LMTK2: variants seen among roughly 807,000 people sequenced by gnomAD.
The protein encoded by LMTK2 is lemur tail kinase 2.
A neutral mutation model predicts 127.5 loss-of-function variants in LMTK2; 37 were observed. The observed-to-expected ratio is 0.29, with a 90% CI of 0.22 to 0.38. LMTK2 has a LOEUF of 0.38. Among genes scored for constraint, LMTK2 ranks in the 10% least tolerant of loss-of-function variants. The probability of loss-of-function intolerance (pLI) is 1.00; values close to 1 mark genes in which losing one functional copy is unlikely to be tolerated. For missense variants in LMTK2, 1,694 were observed against 1,920.3 expected, an observed-to-expected ratio of 0.88 and a Z score of 2.20; for synonymous variants, 819 against 810.1, an observed-to-expected ratio of 1.01 and a Z score of -0.19.
At chr7:98,119,010 T>A (rs1220026880) in intron 1 of LMTK2, among the ~76,000 whole-genome samples, 1 of 151,546 alleles carries the variant, frequency 6.6e-6, no homozygotes, top group African/African-American at 2.4e-5. Flanking sequence ...GATAATCGCT[T>A]GAACCTGGGA....
chr7:98,107,269 A>G lies in LMTK2; in HGVS notation c.92A>G (p.Gln31Arg). Reference sequence around the variant, plus strand: ...AGTGCTGGGGCCGCGCCACTTCCGCAAACAGGTGCAGGTGAGCGGGCCCGC... The same window carrying G: ...AGTGCTGGGGCCGCGCCACTTCCGCGAACAGGTGCAGGTGAGCGGGCCCGC... ...AGSAGAAPLP[Q>R]TGAGEAPPAA... The change falls in exon 1 of 14, where the codon CAA (glutamine) becomes CGA (arginine). Residue 31 changes from glutamine (Q) to arginine (R), a missense_variant. Coordinates refer to ENST00000297293, the MANE Select transcript of LMTK2 (RefSeq NM_014916.4). 7.0e-7 allele frequency: 1 copy of G among 1,420,740 alleles called. No individual in the cohort carries two copies. Among genetic ancestry groups the G allele is most frequent in the Non-Finnish European group, 9.2e-7 (1 of 1,092,226 alleles). The allele number at this position is 1,420,740 out of a possible 1,614,324, so 88.0% of individuals were successfully genotyped here. A position where few individuals can be genotyped will look rare whatever the true frequency, so the allele number is the denominator to read the frequency against.
At chr7:98,187,118 A>T in intron 9 of LMTK2, 120 bp downstream of exon 9, 1 of 903,522 alleles carries the variant, frequency 1.1e-6, no homozygotes, top group Non-Finnish European at 1.7e-6. Context: ...AGAGTATCTG[A>T]TGGTGTGAAA....
chr7:98,151,133 C>T (rs1796846384), intron 3 of LMTK2, among the ~76,000 whole-genome samples: 1 of 151,938 alleles, frequency 6.6e-6, no homozygotes, highest in African/African-American at 2.4e-5. Context: ...TTGGTGGTTA[C>T]ATGAGAGTAG....
At chr7:98,184,344 C>A (rs1166321105) in intron 7 of LMTK2, among the ~76,000 whole-genome samples, 1 of 152,076 alleles carries the variant, frequency 6.6e-6, no homozygotes, top group Non-Finnish European at 1.5e-5. Flanking sequence ...ACTGTCTTTT[C>A]CTGGTGCTGG....
chr7:98,138,655 T>A (rs1796631723), intron 2 of LMTK2, among the ~76,000 whole-genome samples: 1 of 152,234 alleles, frequency 6.6e-6, no homozygotes, highest in South Asian at 2.1e-4. Context: ...TGTCCCTTGC[T>A]TGTTAGTCTT....
rs201001770 is a variant in LMTK2 at position 98,193,157 on chromosome 7, G to A, written c.2692G>A (p.Glu898Lys). 3.2e-5 allele frequency: 51 copies of A among 1,613,630 alleles called. No individual in the cohort carries two copies. The Admixed American group carries it at 5.5e-4, about 17-fold the overall frequency. Reference sequence around the variant, plus strand: ...GAGTGAGGAGACCCTGCGACTCACCGAAAGTGACTCTGTTCTTGCTGATGA... The same window carrying A: ...GAGTGAGGAGACCCTGCGACTCACCAAAAGTGACTCTGTTCTTGCTGATGA... ...GESEETLRLT[E>K]SDSVLADDIL... Residue 898 changes from glutamate to lysine, a missense_variant, in exon 11 of 14, where the codon GAA becomes AAA. By Grantham distance (56) the Glu-to-Lys change is moderately conservative. Coordinates refer to ENST00000297293, the MANE Select transcript of LMTK2 (RefSeq NM_014916.4). The surrounding 1 kb of genome is among the most constrained non-coding windows in gnomAD (Gnocchi z 4.1).
chr7:98,137,505 G>T, intron 2 of LMTK2, 63 bp downstream of exon 2: 1 of 1,488,490 alleles, frequency 6.7e-7, no homozygotes, highest in South Asian at 1.2e-5. Context: ...TAGAATAACT[G>T]GATAGCACAG....
intron 5 of LMTK2, among the ~76,000 whole-genome samples, chr7:98,156,916 A>G (rs1275706096): frequency 6.6e-6 from 1 of 152,122 alleles, no homozygotes; most frequent in Non-Finnish European, 1.5e-5. Flanking sequence ...GAGGCCCACC[A>G]TTGTTGCAGG....
chr7:98,205,016 C>T (rs1319883714), intron 13 of LMTK2, among the ~76,000 whole-genome samples: 3 of 152,062 alleles, frequency 2.0e-5, no homozygotes, highest in South Asian at 4.1e-4. Flanking sequence ...CATTTGAAGT[C>T]GAGGTATCTG....
chr7:98,159,805 A>G (rs1796986113), intron 6 of LMTK2, among the ~76,000 whole-genome samples: 1 of 152,186 alleles, frequency 6.6e-6, no homozygotes, highest in African/African-American at 2.4e-5. Flanking sequence ...CAGGCTTGAA[A>G]CATCTTGAAA....
intron 10 of LMTK2, among the ~76,000 whole-genome samples, chr7:98,191,254 G>C (rs1008769312): frequency 6.6e-6 from 1 of 151,938 alleles, no homozygotes; most frequent in Non-Finnish European, 1.5e-5. Context: ...GGCCTCTTTT[G>C]ATATTTTTAA....
chr7:98,116,099 G>A (rs1324548726), intron 1 of LMTK2, among the ~76,000 whole-genome samples: 3 of 152,076 alleles, frequency 2.0e-5, no homozygotes, highest in African/African-American at 4.8e-5. Flanking sequence ...TTGCCATGTT[G>A]CCCAGGCTGG....
intron 1 of LMTK2, among the ~76,000 whole-genome samples, chr7:98,125,443 A>C (rs1440014120): frequency 1.3e-5 from 2 of 152,052 alleles, no homozygotes; most frequent in Admixed American, 1.3e-4. Flanking sequence ...CTTTATTCTC[A>C]GAACCTATAG....
chr7:98,131,706 T>C (rs1400370380), intron 1 of LMTK2, among the ~76,000 whole-genome samples: 2 of 152,196 alleles, frequency 1.3e-5, no homozygotes. Context: ...AAAACGTGAA[T>C]TCTTAATTAT....
chr7:98,109,743 CAAAAAAAAAA>C (rs1156337163), intron 1 of LMTK2, among the ~76,000 whole-genome samples: 1 of 53,304 alleles, frequency 1.9e-5, no homozygotes, highest in African/African-American at 6.9e-5. Context: ...GACTCCGTCT[CAAAAAAAAAA>C]AAAAAAAAAA....
chr7:98,183,878 C>G (rs533001784), intron 7 of LMTK2, among the ~76,000 whole-genome samples: 1 of 152,118 alleles, frequency 6.6e-6, no homozygotes, highest in Non-Finnish European at 1.5e-5. Flanking sequence ...GGTTGCTAAT[C>G]GGAAAATCTT....
intron 7 of LMTK2, among the ~76,000 whole-genome samples, chr7:98,174,101 T>C (rs1457010448): frequency 1.2e-5 from 1 of 83,152 alleles, no homozygotes; most frequent in Non-Finnish European, 3.2e-5. Flanking sequence ...TTTCATTTTG[T>C]TGTAAAAAAA....
At chr7:98,167,834 C>T (rs534197858) in intron 6 of LMTK2, among the ~76,000 whole-genome samples, 4 of 152,028 alleles carry the variant, frequency 2.6e-5, no homozygotes, top group South Asian at 2.1e-4. Context: ...TACGGATCAA[C>T]GAGAGGAGGG....
chr7:98,202,910 A>G (rs1015557071), intron 11 of LMTK2, among the ~76,000 whole-genome samples: 6 of 152,162 alleles, frequency 3.9e-5, no homozygotes, highest in African/African-American at 1.2e-4. Flanking sequence ...TAGTTACACG[A>G]TGTGCCATAC....
Sources: gnomAD v4.1 joint callset for allele counts (sites outside exome capture counted in the v4.1 genomes callset) on GRCh38, gnomAD v4.1.1 for gene constraint, Gnocchi (gnomAD v3.1) non-coding constraint, MANE v1.5 for transcripts, NCBI Gene and HGNC (gene_info 2026-07-23, HGNC 2026-07-21) for gene names.